GDAP2: variants seen among roughly 807,000 people sequenced by gnomAD.
GDAP2 encodes ganglioside-induced differentiation-associated protein 2.
A neutral mutation model predicts 67.0 loss-of-function variants in GDAP2; 51 were observed. That is an observed-to-expected ratio of 0.76 (90% CI 0.61 to 0.96). GDAP2 has a LOEUF of 0.96. Ranked by LOEUF, GDAP2 falls within the 40% of genes least tolerant of loss-of-function variation. GDAP2 has a pLI of 0.00. For missense variants in GDAP2, 547 were observed against 588.3 expected (o/e 0.93, Z 0.73); for synonymous variants, 203 against 207.3 (o/e 0.98, Z 0.18).
chr1:117,898,975 T>C (rs1335009179), intron 7 of GDAP2, 82 bp downstream of exon 7: 2 of 1,019,222 alleles, frequency 2.0e-6, no homozygotes, highest in Non-Finnish European at 3.0e-6. Flanking sequence ...AAGGTCAAGC[T>C]GAATTTCTTA....
At chr1:117,929,104 G>A (rs1650579701) in intron 1 of GDAP2, among the ~76,000 whole-genome samples, 5 of 152,206 alleles carry the variant, frequency 3.3e-5, no homozygotes, top group African/African-American at 1.2e-4. Context: ...CCACAGGAAC[G>A]GCAACACGGA....
chr1:117,915,645 G>GT (rs1198545294), intron 3 of GDAP2, among the ~76,000 whole-genome samples: 2 of 152,152 alleles, frequency 1.3e-5, no homozygotes, highest in Non-Finnish European at 2.9e-5. Context: ...ATATAAGAAT[G>GT]TATGTATACA....
chr1:117,875,573 T>C (rs1232965225), intron 13 of GDAP2, among the ~76,000 whole-genome samples: 1 of 152,154 alleles, frequency 6.6e-6, no homozygotes, highest in Non-Finnish European at 1.5e-5. Context: ...ACCCAGAATT[T>C]CAGCCTGGAA....
chr1:117,870,483 C>G lies in GDAP2; in HGVS notation c.*86G>C, dbSNP rs1648217118. The stretch of plus-strand genomic sequence containing the variant: ...GGACAAAAGGCTCTCTGGATCTGTA[C>G]AGCAACAATGAATATCACTTCAACA... On this transcript the variant is annotated 3_prime_UTR_variant, in exon 14 of 14. Coordinates refer to ENST00000369443, the MANE Select transcript of GDAP2 (RefSeq NM_017686.4). 3.4e-6 allele frequency: 3 copies of G among 870,330 alleles called. No homozygotes were observed. The highest frequency in any genetic ancestry group is 2.4e-5 in the East Asian group (1 of 41,518). The allele number at this position is 870,330 out of a possible 1,614,324, so 53.9% of individuals were successfully genotyped here.
chr1:117,914,826 A>G (rs1443637723), intron 3 of GDAP2, among the ~76,000 whole-genome samples: 1 of 152,198 alleles, frequency 6.6e-6, no homozygotes, highest in East Asian at 1.9e-4. Flanking sequence ...GCAAATTACC[A>G]ATTAAGTACG....
At chr1:117,878,778 T>C (rs1054807081) in intron 12 of GDAP2, among the ~76,000 whole-genome samples, 4 of 152,246 alleles carry the variant, frequency 2.6e-5, no homozygotes, top group South Asian at 2.1e-4. Context: ...TAAAAAATTC[T>C]TGATACCAAA....
intron 3 of GDAP2, 152 bp from the exon 4 acceptor site, chr1:117,912,835 T>C: frequency 1.5e-6 from 1 of 658,342 alleles, no homozygotes; most frequent in Non-Finnish European, 2.6e-6. Flanking sequence ...CTGTTACTTC[T>C]GTTCCCAAAA....
chr1:117,885,318 T>C (rs1223445870), intron 10 of GDAP2, among the ~76,000 whole-genome samples: 3 of 152,170 alleles, frequency 2.0e-5, no homozygotes, highest in Non-Finnish European at 4.4e-5. Context: ...ACTATATAAC[T>C]ATATCACTAT....
chr1:117,906,575 T>C lies in GDAP2; in HGVS notation c.567A>G (p.Val189=), dbSNP rs1473563765. The change falls in exon 6 of 14, where the codon GTA becomes GTG. Residue 189 remains valine, a synonymous_variant. Transcript: ENST00000369443. ...EDATHIALRT[V]RRFLEIHGET... ...CCCCATGAATCTCTAGGAATCTTCT[T>C]ACAGTGCCTAAGGAAAAGAATAGAA... The C allele has an allele frequency of 5.3e-6, 8 of 1,517,356 alleles. No individual in the cohort carries two copies. Among genetic ancestry groups the C allele is most frequent in the Non-Finnish European group, 7.3e-6 (8 of 1,096,956 alleles). 94.0% of individuals were successfully genotyped at this position (1,517,356 alleles called of 1,614,324 possible).
chr1:117,911,768 A>C (rs916964726), intron 5 of GDAP2, among the ~76,000 whole-genome samples: 4 of 150,364 alleles, frequency 2.7e-5, no homozygotes, highest in African/African-American at 9.8e-5. Context: ...AAAAAAAAAA[A>C]CCTTTTTTTT....
Position 117,918,596 on chromosome 1 carries a change from C to G in GDAP2, c.316+1G>C. 1.2e-6 allele frequency: 2 copies of G among 1,602,128 alleles called. No individual in the cohort carries two copies. The highest frequency in any genetic ancestry group is 1.7e-6 in the Non-Finnish European group (2 of 1,169,410). On this transcript the variant is annotated splice_donor_variant, in intron 3 of 13. Transcript: ENST00000369443. LOFTEE classifies it high-confidence loss of function. ...TAATATATGAAAGAAAATTCACTCA[C>G]CTTTAAGTTTCTGGAGATCTTCCTT...
chr1:117,916,991 A>C (rs1242609854), intron 3 of GDAP2, among the ~76,000 whole-genome samples: 1 of 151,612 alleles, frequency 6.6e-6, no homozygotes, highest in African/African-American at 2.4e-5. Context: ...CCAAGATCAC[A>C]CCACTGCACT....
intron 12 of GDAP2, among the ~76,000 whole-genome samples, chr1:117,880,992 A>G (rs139643331): frequency 2.6e-5 from 4 of 152,304 alleles, no homozygotes; most frequent in Non-Finnish European, 4.4e-5. Flanking sequence ...GGAGGCAATG[A>G]TAAGAACAGC....
At chr1:117,884,813 C>CATGT (rs376358688) in intron 10 of GDAP2, among the ~76,000 whole-genome samples, 3,679 of 147,736 alleles carry the variant, frequency 0.025, 109 homozygotes, top group African/African-American at 0.073. Context: ...TTATTCCCTC[C>CATGT]GTGTGTGTGT....
intron 3 of GDAP2, chr1:117,913,620 A>C: frequency 6.6e-6 from 1 of 152,186 alleles, no homozygotes; most frequent in East Asian, 1.9e-4. Context: ...CCTTTCCAAG[A>C]AATTGAGAGG....
intron 5 of GDAP2, 36 bp downstream of exon 5, chr1:117,911,958 A>G: frequency 8.1e-7 from 1 of 1,227,218 alleles, no homozygotes; most frequent in Non-Finnish European, 1.2e-6. Context: ...AATTTTTAAG[A>G]TTCAATTCAT....
At position 117,863,846 on chromosome 1, in the gene GDAP2, T is replaced by A. The variant is rs1325330298; in HGVS notation, c.*6723A>T. On this transcript the variant is annotated 3_prime_UTR_variant, in exon 14 of 14. Transcript: ENST00000369443. The stretch of plus-strand genomic sequence containing the variant: ...ATCCTCAAATGTTAGCTGTTATTAT[T>A]TCTAATCAAAGCAGTGGTGGCTGCT... 6.6e-6 allele frequency: 1 copy of A among 152,246 alleles called. No individual in the cohort carries two copies. Among genetic ancestry groups the A allele is most frequent in the African/African-American group, 2.4e-5 (1 of 41,468 alleles). The allele number at this position is 152,246 out of a possible 1,614,324, so 9.4% of individuals were successfully genotyped here.
intron 6 of GDAP2, 72 bp from the exon 7 acceptor site, chr1:117,899,288 T>TGAG: frequency 1.7e-5 from 17 of 1,020,464 alleles, no homozygotes; most frequent in Non-Finnish European, 2.6e-5. Context: ...TACTTAGTGC[T>TGAG]GTTCATACAC....
chr1:117,918,684 C>A lies in GDAP2; in HGVS notation c.229G>T (p.Glu77Ter). 1 of 1,600,312 alleles carries A rather than the reference C, an allele frequency of 6.2e-7. No homozygotes were observed. The highest frequency in any genetic ancestry group is 8.6e-7 in the Non-Finnish European group (1 of 1,167,462). ...ACAGGATTCTTATCTGTGAGACTTT[C>A]ATTGCTGGTATTCACAATGGCTGTA... The part of the protein sequence containing the change: ...NCTAIVNTSN[E>*]SLTDKNPVSE... Residue 77 changes from glutamate (E) to a stop codon, truncating the protein, a stop_gained, in exon 3 of 14, where the codon GAA (glutamate) becomes TAA (stop). Coordinates refer to ENST00000369443, the MANE Select transcript of GDAP2 (RefSeq NM_017686.4). LOFTEE classifies it high-confidence loss of function.
Sources: allele counts gnomAD v4.1 joint callset (sites outside exome capture counted in the v4.1 genomes callset), GRCh38; gene constraint gnomAD v4.1.1; transcripts MANE v1.5; gene names NCBI Gene and HGNC (gene_info 2026-07-23, HGNC 2026-07-21).